RIT2: variants seen among roughly 807,000 people sequenced by gnomAD.
RIT2 encodes GTP-binding protein Rit2.
A neutral mutation model predicts 23.7 loss-of-function variants in RIT2; 24 were observed. The observed-to-expected ratio is 1.01, with a 90% CI of 0.73 to 1.43. The LOEUF (loss-of-function observed/expected upper bound fraction) is 1.43. Ranked by LOEUF, RIT2 falls within the 40% of genes most tolerant of loss-of-function variation. RIT2 has a pLI of 0.00. For synonymous variants in RIT2, 107 were observed against 91.1 expected (o/e 1.17, Z -0.99); for missense variants, 236 against 266.9 (o/e 0.88, Z 0.81).
At chr18:43,067,505 T>C (rs866437529) in intron 1 of RIT2, among the ~76,000 whole-genome samples, 3 of 152,160 alleles carry the variant, frequency 2.0e-5, no homozygotes, top group African/African-American at 7.2e-5. Context: ...AAGATATACA[T>C]GGGTTCGGTG....
intron 3 of RIT2, among the ~76,000 whole-genome samples, chr18:42,958,077 G>A (rs1185403245): frequency 6.6e-6 from 1 of 152,122 alleles, no homozygotes; most frequent in Admixed American, 6.6e-5. Context: ...CAGCTGATAA[G>A]AACAGAGTGA....
At chr18:42,930,913 C>T (rs1051524886) in intron 3 of RIT2, among the ~76,000 whole-genome samples, 4 of 152,114 alleles carry the variant, frequency 2.6e-5, no homozygotes, top group South Asian at 4.1e-4. Context: ...GCTTTGCCTC[C>T]GTTTGAAGTA....
At chr18:42,766,625 A>G (rs2143908427) in intron 4 of RIT2, among the ~76,000 whole-genome samples, 1 of 152,368 alleles carries the variant, frequency 6.6e-6, no homozygotes, top group East Asian at 1.9e-4. Context: ...AGCCGGCTGT[A>G]GAAATTTGCA....
intron 4 of RIT2, among the ~76,000 whole-genome samples, chr18:42,785,682 C>T (rs1168153027): frequency 6.6e-6 from 1 of 152,106 alleles, no homozygotes; most frequent in Non-Finnish European, 1.5e-5. Context: ...TGTGTGTCAG[C>T]AATCTCACTT....
intron 2 of RIT2, among the ~76,000 whole-genome samples, chr18:42,996,306 T>C (rs1910982184): frequency 6.6e-6 from 1 of 152,022 alleles, no homozygotes; most frequent in South Asian, 2.1e-4. Context: ...ACATCGCCCA[T>C]TATCTCTCCA....
intron 1 of RIT2, among the ~76,000 whole-genome samples, chr18:43,046,364 G>T (rs1287197546): frequency 2.6e-5 from 4 of 152,156 alleles, no homozygotes; most frequent in African/African-American, 9.7e-5. Context: ...TCACTTGTTG[G>T]TCCACTAGGC....
chr18:42,807,740 G>A (rs1235631111), intron 4 of RIT2, among the ~76,000 whole-genome samples: 1 of 152,092 alleles, frequency 6.6e-6, no homozygotes, highest in African/African-American at 2.4e-5. Context: ...GAGAACCCTT[G>A]TCCCTTAGAA....
At chr18:42,806,058 A>T (rs913689524) in intron 4 of RIT2, among the ~76,000 whole-genome samples, 1 of 150,100 alleles carries the variant, frequency 6.7e-6, no homozygotes, top group Non-Finnish European at 1.5e-5. Flanking sequence ...TCATTGACAG[A>T]TTAAAGAGAT....
rs566711484 is a variant in RIT2 at position 42,918,055 on chromosome 18, T to C, written c.426+5517A>G. Among the ~76,000 whole-genome samples the C allele has an allele frequency of 3.3e-5, 5 of 152,280 alleles. No homozygotes were observed. The South Asian group carries it at 1.0e-3, about 32-fold the overall frequency. On this transcript the variant is annotated intron_variant, in intron 4 of 4. Transcript: ENST00000326695. ...TTTTATTCCTAGTACCATTTTTGCATTGTGCAGTTAGAATACACATACCCA... is the reference window on the plus strand; with the variant it reads ...TTTTATTCCTAGTACCATTTTTGCACTGTGCAGTTAGAATACACATACCCA...
intron 2 of RIT2, among the ~76,000 whole-genome samples, chr18:43,016,762 C>T (rs1471350233): frequency 6.6e-6 from 1 of 151,838 alleles, no homozygotes; most frequent in Non-Finnish European, 1.5e-5. Flanking sequence ...ATGAATCTGA[C>T]TAACCAAATA....
intron 1 of RIT2, among the ~76,000 whole-genome samples, chr18:43,078,596 G>A (rs559277590): frequency 1.3e-5 from 2 of 152,262 alleles, no homozygotes; most frequent in East Asian, 1.9e-4. Context: ...CTGGCTCTGT[G>A]TACTACCTAG....
intron 3 of RIT2, among the ~76,000 whole-genome samples, chr18:42,967,641 T>TCGGCCTCC (rs1322175582): frequency 1.4e-5 from 2 of 146,588 alleles, no homozygotes; most frequent in African/African-American, 5.0e-5. Context: ...TCCGCTCATC[T>TCGGCCTCC]CGGCCTCCCA....
chr18:42,994,054 C>T (rs1447353071), intron 2 of RIT2, among the ~76,000 whole-genome samples: 2 of 152,136 alleles, frequency 1.3e-5, no homozygotes, highest in African/African-American at 4.8e-5. Context: ...CTATCCACCC[C>T]GTGGTGCCAA....
chr18:42,758,622 TC>T (rs746008459), intron 4 of RIT2, among the ~76,000 whole-genome samples: 3 of 151,938 alleles, frequency 2.0e-5, no homozygotes, highest in Non-Finnish European at 2.9e-5. Context: ...CAGGCAATTC[TC>T]CTGCCTCAGC....
At chr18:42,946,413 C>T (rs1434659595) in intron 3 of RIT2, among the ~76,000 whole-genome samples, 6 of 151,982 alleles carry the variant, frequency 3.9e-5, no homozygotes, top group South Asian at 2.1e-4. Flanking sequence ...ACAAAATTCT[C>T]GTGTTCAGGA....
At chr18:42,804,596 A>G (rs1268241017) in intron 4 of RIT2, among the ~76,000 whole-genome samples, 3 of 151,782 alleles carry the variant, frequency 2.0e-5, no homozygotes, top group African/African-American at 2.4e-5. Context: ...ATTGAAAAAA[A>G]AAGAAATTAA....
chr18:42,918,805 G>A (rs1365258125), intron 4 of RIT2, among the ~76,000 whole-genome samples: 1 of 151,986 alleles, frequency 6.6e-6, no homozygotes, highest in Admixed American at 6.6e-5. Context: ...AAGACCCAAG[G>A]TTTCTTTCTT....
intron 2 of RIT2, among the ~76,000 whole-genome samples, chr18:42,981,649 A>T (rs1910601384): frequency 6.6e-6 from 1 of 152,090 alleles, no homozygotes; most frequent in South Asian, 2.1e-4. Flanking sequence ...AAATTCCAGA[A>T]ATAGAATTCT....
chr18:42,880,636 A>T (rs1214838423), intron 4 of RIT2, among the ~76,000 whole-genome samples: 2 of 151,928 alleles, frequency 1.3e-5, no homozygotes, highest in African/African-American at 4.8e-5. Flanking sequence ...TCCTGTCTCC[A>T]TATCTCGTTT....
Sources: allele counts gnomAD v4.1 joint callset (sites outside exome capture counted in the v4.1 genomes callset), GRCh38; gene constraint gnomAD v4.1.1; transcripts MANE v1.5; gene names NCBI Gene and HGNC (gene_info 2026-07-23, HGNC 2026-07-21).